The following MAGI2 variants were observed in gnomAD, a reference collection of about 807,000 sequenced individuals.
MAGI2 encodes the protein membrane associated guanylate kinase, WW and PDZ domain containing 2, also known as membrane-associated guanylate kinase, WW and PDZ domain-containing protein 2.
Under a neutral mutation model 133.3 loss-of-function variants are expected in MAGI2, and 35 were observed. The observed-to-expected ratio is 0.26, with a 90% CI of 0.20 to 0.35. The LOEUF (loss-of-function observed/expected upper bound fraction) is 0.35, where lower values mean the gene tolerates loss of function less well. MAGI2 is among the 10% of genes least tolerant of loss of function. MAGI2 has a pLI of 1.00. For missense variants in MAGI2, 1,636 were observed against 1,863.4 expected, an observed-to-expected ratio of 0.88 and a Z score of 2.25; for synonymous variants, 729 against 710.6, an observed-to-expected ratio of 1.03 and a Z score of -0.41.
chr7:79,449,127 T>G (rs759874980), intron 1 of MAGI2, among the ~76,000 whole-genome samples: 4 of 152,132 alleles, frequency 2.6e-5, no homozygotes, highest in Non-Finnish European at 4.4e-5. Context: ...AAATTTGACA[T>G]AATTTGTTTT....
intron 13 of MAGI2, among the ~76,000 whole-genome samples, chr7:78,179,708 C>A (rs1827006821): frequency 6.6e-6 from 1 of 152,150 alleles, no homozygotes; most frequent in African/African-American, 2.4e-5. Context: ...ACCAGTTAGA[C>A]CTCCACATCC....
chr7:78,604,078 G>A (rs530546712), intron 3 of MAGI2, among the ~76,000 whole-genome samples: 5 of 152,308 alleles, frequency 3.3e-5, no homozygotes, highest in African/African-American at 7.2e-5. Flanking sequence ...ACATAATTAT[G>A]AGATTCCCTG....
At chr7:79,368,524 T>C (rs1842863125) in intron 1 of MAGI2, among the ~76,000 whole-genome samples, 1 of 152,186 alleles carries the variant, frequency 6.6e-6, no homozygotes, top group African/African-American at 2.4e-5. Context: ...CACTTATCAC[T>C]GGATTTAAAG....
intron 1 of MAGI2, among the ~76,000 whole-genome samples, chr7:79,336,512 G>A (rs1247218542): frequency 6.6e-6 from 1 of 151,924 alleles, no homozygotes; most frequent in Non-Finnish European, 1.5e-5. Context: ...AAAAGAAGGC[G>A]CTTATGCAGT....
intron 2 of MAGI2, among the ~76,000 whole-genome samples, chr7:78,844,800 C>T (rs1792451000): frequency 6.6e-6 from 1 of 151,724 alleles, no homozygotes; most frequent in Non-Finnish European, 1.5e-5. Context: ...AAGCAGATTT[C>T]ATGGCATATG....
chr7:78,925,962 T>G (rs1799662219), intron 2 of MAGI2, among the ~76,000 whole-genome samples: 1 of 151,996 alleles, frequency 6.6e-6, no homozygotes, highest in Non-Finnish European at 1.5e-5. Context: ...TGCCCATTGC[T>G]TTTTTATGAC....
chr7:78,110,617 C>A (rs1202908365), intron 20 of MAGI2, among the ~76,000 whole-genome samples: 1 of 152,166 alleles, frequency 6.6e-6, no homozygotes. Context: ...TGGAGAAGTA[C>A]TTAATTCTCC....
At chr7:79,406,398 GTTCT>G (rs1361542340) in intron 1 of MAGI2, among the ~76,000 whole-genome samples, 1 of 152,124 alleles carries the variant, frequency 6.6e-6, no homozygotes, top group Non-Finnish European at 1.5e-5. Flanking sequence ...CAAGAATGTA[GTTCT>G]TTCTTAACTA....
chr7:78,548,599 G>A (rs1270324694), intron 3 of MAGI2, among the ~76,000 whole-genome samples: 1 of 152,166 alleles, frequency 6.6e-6, no homozygotes, highest in South Asian at 2.1e-4. Context: ...GGAGGCTGAG[G>A]CAGGAGAATC....
chr7:79,123,502 G>A (rs1562915137), intron 1 of MAGI2, among the ~76,000 whole-genome samples: 1 of 152,070 alleles, frequency 6.6e-6, no homozygotes, highest in Non-Finnish European at 1.5e-5. Context: ...AAGAGATAAT[G>A]CAGCCAGGTG....
chr7:78,146,448 G>T (rs2150570747), intron 16 of MAGI2, among the ~76,000 whole-genome samples: 1 of 152,104 alleles, frequency 6.6e-6, no homozygotes, highest in South Asian at 2.1e-4. Context: ...CCCAGTTAGA[G>T]ATTTGGAATC....
intron 21 of MAGI2, among the ~76,000 whole-genome samples, chr7:78,058,183 G>A (rs1011133284): frequency 1.3e-5 from 2 of 151,752 alleles, no homozygotes; most frequent in African/African-American, 4.8e-5. Flanking sequence ...AGCTCCAAGT[G>A]GTCATAGTAC....
intron 2 of MAGI2, among the ~76,000 whole-genome samples, chr7:78,693,303 T>C (rs1817162313): frequency 6.6e-6 from 1 of 152,176 alleles, no homozygotes; most frequent in Non-Finnish European, 1.5e-5. Context: ...TTACTATTAG[T>C]ATTGGTGGCA....
At chr7:78,988,014 A>G (rs1348451548) in intron 2 of MAGI2, among the ~76,000 whole-genome samples, 1 of 152,108 alleles carries the variant, frequency 6.6e-6, no homozygotes, top group Admixed American at 6.6e-5. Context: ...TGATATAACA[A>G]ATGAGCGTCC....
At chr7:79,368,690 TACAAAAA>T (rs1433255937) in intron 1 of MAGI2, among the ~76,000 whole-genome samples, 1 of 150,532 alleles carries the variant, frequency 6.6e-6, no homozygotes, top group African/African-American at 2.4e-5. Flanking sequence ...CTACTAAAAA[TACAAAAA>T]ATTAGCCGGG....
At chr7:78,433,236 C>G (rs1799963992) in intron 6 of MAGI2, among the ~76,000 whole-genome samples, 1 of 151,996 alleles carries the variant, frequency 6.6e-6, no homozygotes, top group African/African-American at 2.4e-5. Context: ...AGCTTAACTA[C>G]CTAAGTAGTT....
Position 78,019,326 on chromosome 7 carries a change from C to T in MAGI2, c.4357G>A (p.Ala1453Thr), listed in dbSNP as rs761855886. 21 of 1,550,118 alleles carry T rather than the reference C, an allele frequency of 1.4e-5. No homozygotes were observed. In the Admixed American group the frequency reaches 3.0e-4, roughly 22 times the overall value. ...PSVLKPGASA[A>T]SR Reference sequence around the variant, plus strand: ...CGTGGCCGCGCGGCTCATCTGCTGGCGGCCGAGGCGCCGGGTTTGAGGACG... The same window carrying T: ...CGTGGCCGCGCGGCTCATCTGCTGGTGGCCGAGGCGCCGGGTTTGAGGACG... Residue 1453 changes from alanine to threonine, a missense_variant, in exon 22 of 22, where the codon GCC becomes ACC. By Grantham distance (58) the Ala-to-Thr change is moderately conservative. Transcript: ENST00000354212.
intron 16 of MAGI2, among the ~76,000 whole-genome samples, chr7:78,142,158 G>C (rs905323934): frequency 6.6e-6 from 1 of 152,136 alleles, no homozygotes; most frequent in Admixed American, 6.5e-5. Flanking sequence ...AGGCCACCAT[G>C]CTCAAAAGGG....
intron 2 of MAGI2, among the ~76,000 whole-genome samples, chr7:78,856,694 C>CA (rs1793669651): frequency 6.6e-6 from 1 of 152,144 alleles, no homozygotes; most frequent in African/African-American, 2.4e-5. Context: ...ATGATGCCTC[C>CA]AGCTTTTTTC....
Sources: allele counts gnomAD v4.1 joint callset (sites outside exome capture counted in the v4.1 genomes callset), GRCh38; gene constraint gnomAD v4.1.1; transcripts MANE v1.5; gene names NCBI Gene and HGNC (gene_info 2026-07-23, HGNC 2026-07-21).